TMCC3: variants seen among roughly 807,000 people sequenced by gnomAD.
TMCC3 encodes the protein transmembrane and coiled-coil domain family 3.
In TMCC3, 28 loss-of-function variants were observed where a neutral mutation model predicts 40.2. The observed-to-expected ratio is 0.70, with a 90% CI of 0.52 to 0.95. The LOEUF (loss-of-function observed/expected upper bound fraction) is 0.95. Ranked by LOEUF, TMCC3 falls within the 40% of genes least tolerant of loss-of-function variation. The probability of loss-of-function intolerance (pLI) is 0.00; values close to 1 mark genes in which losing one functional copy is unlikely to be tolerated. For synonymous variants in TMCC3, 255 were observed against 248.5 expected (o/e 1.03, Z -0.25); for missense variants, 554 against 615.2 (o/e 0.90, Z 1.05).
intron 1 of TMCC3, among the ~76,000 whole-genome samples, chr12:94,637,748 G>T (rs1024469625): frequency 4.6e-5 from 7 of 152,190 alleles, no homozygotes; most frequent in African/African-American, 1.4e-4. Context: ...ATAAATGATG[G>T]TATAGCCATA....
intron 1 of TMCC3, among the ~76,000 whole-genome samples, chr12:94,589,121 C>G (rs1230222620): frequency 7.6e-6 from 1 of 131,926 alleles, no homozygotes; most frequent in Non-Finnish European, 1.6e-5. Flanking sequence ...CCACGCCTGG[C>G]CAGTATGAGG....
At chr12:94,636,845 A>C (rs2068963559) in intron 1 of TMCC3, among the ~76,000 whole-genome samples, 1 of 152,232 alleles carries the variant, frequency 6.6e-6, no homozygotes. Context: ...ATATCCAGTG[A>C]GCTTGGGAAA....
chr12:94,650,386 C>T lies in TMCC3; in HGVS notation c.45G>A (p.Ser15=), dbSNP rs1284273153. 1.3e-5 allele frequency: 17 copies of T among 1,339,930 alleles called. No individual in the cohort carries two copies. Among genetic ancestry groups the T allele is most frequent in the Non-Finnish European group, 1.3e-5 (14 of 1,038,642 alleles). The allele number at this position is 1,339,930 out of a possible 1,614,324, so 83.0% of individuals were successfully genotyped here. A position where few individuals can be genotyped will look rare whatever the true frequency, so the allele number is the denominator to read the frequency against. ...DTALTVDRTY[S]YPGRHHRCKS... ...TGCAGCGGTGGTGCCGGCCGGGGTACGAGTAGGTCCGGTCCACGGTGAGCG... is the reference window on the plus strand; with the variant it reads ...TGCAGCGGTGGTGCCGGCCGGGGTATGAGTAGGTCCGGTCCACGGTGAGCG... Residue 15 remains serine, a synonymous_variant, in exon 1 of 4, where the codon TCG becomes TCA. Coordinates refer to ENST00000261226, the MANE Select transcript of TMCC3 (RefSeq NM_020698.4).
At chr12:94,574,395 A>C (rs565540639) in intron 3 of TMCC3, among the ~76,000 whole-genome samples, 3 of 151,700 alleles carry the variant, frequency 2.0e-5, no homozygotes, top group East Asian at 3.9e-4. Flanking sequence ...CAAAAAACAA[A>C]AAAAAAAAAC....
intron 1 of TMCC3, among the ~76,000 whole-genome samples, chr12:94,644,219 C>A (rs925922653): frequency 6.6e-6 from 1 of 152,174 alleles, no homozygotes; most frequent in Non-Finnish European, 1.5e-5. Context: ...AATGAAAAGT[C>A]CTCATTCTGA....
In TMCC3 at chr12:94,571,620, C is replaced by G; in HGVS notation, c.1249G>C (p.Val417Leu). The change falls in exon 4 of 4, where the codon GTG becomes CTG. Residue 417 changes from valine (V) to leucine (L), a missense_variant. Coordinates refer to ENST00000261226, the MANE Select transcript of TMCC3 (RefSeq NM_020698.4). ...ATGACAGTCATGAAGGCCAGGATCA[C>G]GTTGATGCACCTCCCCAGGAGAACT... ...AKVLLGRCIN[V>L]ILAFMTVILV... 1 of 1,614,222 alleles carries G rather than the reference C, an allele frequency of 6.2e-7. No homozygotes were observed. Among genetic ancestry groups the G allele is most frequent in the Non-Finnish European group, 8.5e-7 (1 of 1,180,048 alleles).
At chr12:94,637,520 G>A (rs1402396835) in intron 1 of TMCC3, among the ~76,000 whole-genome samples, 2 of 152,238 alleles carry the variant, frequency 1.3e-5, no homozygotes, top group African/African-American at 4.8e-5. Flanking sequence ...AAGTTTACCA[G>A]TGTTGTTCAG....
Position 94,602,641 on chromosome 12 carries a change from G to C in TMCC3, c.79-20103C>G, listed in dbSNP as rs540981680. ...TTCTTCTTTCTTTTAATTTCTTTTA[G>C]AGACAAGGTCTTGCTCTGTTGCCCA... On this transcript the variant is annotated intron_variant, in intron 1 of 3. Transcript: ENST00000261226. 1.7e-4 allele frequency among the ~76,000 whole-genome samples: 26 copies of C among 152,196 alleles called. No homozygotes were observed. In the South Asian group the frequency reaches 4.6e-3, roughly 27 times the overall value.
At chr12:94,600,959 C>T (rs551086834) in intron 1 of TMCC3, among the ~76,000 whole-genome samples, 2 of 152,220 alleles carry the variant, frequency 1.3e-5, no homozygotes, top group Admixed American at 1.3e-4. Flanking sequence ...TGTCATAACC[C>T]AGTATATTAC....
intron 1 of TMCC3, among the ~76,000 whole-genome samples, chr12:94,622,820 T>TAAA (rs35944737): frequency 6.9e-6 from 1 of 144,444 alleles, no homozygotes. Context: ...AGCTCTTTCT[T>TAAA]AAAAAAAAAA....
Position 94,580,351 on chromosome 12 carries a change from T to C in TMCC3, c.995+1271A>G, listed in dbSNP as rs112712201. On this transcript the variant is annotated intron_variant, in intron 2 of 3. Transcript: ENST00000261226. ...CCTAATATAAGCCAAAGGTTTTGAA[T>C]GTATACTTTAATCTTAAGATGACTT... 4.8e-3 allele frequency among the ~76,000 whole-genome samples: 727 copies of C among 152,346 alleles called. 3 individuals carry two copies. The highest frequency in any genetic ancestry group is 0.016 in the African/African-American group (683 of 41,584).
intron 1 of TMCC3, among the ~76,000 whole-genome samples, chr12:94,643,548 T>C (rs549375456): frequency 7.9e-5 from 12 of 152,334 alleles, no homozygotes; most frequent in Admixed American, 7.2e-4. Flanking sequence ...TGAGCTTATT[T>C]GACAGCCTTT....
intron 1 of TMCC3, among the ~76,000 whole-genome samples, chr12:94,642,873 GGTA>G (rs1216115348): frequency 1.3e-5 from 2 of 152,128 alleles, no homozygotes; most frequent in Non-Finnish European, 2.9e-5. Flanking sequence ...ACCTAACTTT[GGTA>G]CCATGCGGCA....
chr12:94,632,449 C>T (rs79652370), intron 1 of TMCC3, among the ~76,000 whole-genome samples: 9,337 of 152,278 alleles, frequency 0.061, 312 homozygotes, highest in South Asian at 0.15. Flanking sequence ...ACACAAACTA[C>T]ATACAAATAC....
intron 1 of TMCC3, among the ~76,000 whole-genome samples, chr12:94,623,028 TTTC>T (rs969242375): frequency 2.0e-5 from 3 of 152,146 alleles, no homozygotes; most frequent in African/African-American, 4.8e-5. Flanking sequence ...ATATCTTACT[TTTC>T]TTCTTCTTCT....
chr12:94,594,679 G>A (rs1056351758), intron 1 of TMCC3, among the ~76,000 whole-genome samples: 1 of 152,140 alleles, frequency 6.6e-6, no homozygotes, highest in Non-Finnish European at 1.5e-5. Flanking sequence ...ACGAGTCTCT[G>A]AGGCCCTTAG....
At chr12:94,646,810 T>C (rs1175586292) in intron 1 of TMCC3, among the ~76,000 whole-genome samples, 1 of 151,182 alleles carries the variant, frequency 6.6e-6, no homozygotes, top group Non-Finnish European at 1.5e-5. Context: ...GAGTGGAGTA[T>C]TACCTCTTTT....
At chr12:94,593,475 G>T (rs74238550) in intron 1 of TMCC3, among the ~76,000 whole-genome samples, 16,491 of 135,782 alleles carry the variant, frequency 0.12, 3,161 homozygotes, top group African/African-American at 0.28. Context: ...AGAAGAAGAA[G>T]AATTCTATTT....
intron 1 of TMCC3, among the ~76,000 whole-genome samples, chr12:94,582,979 TTTTTTTTTTTTTTTTA>T (rs1194875944): frequency 4.2e-5 from 3 of 72,174 alleles, no homozygotes; most frequent in African/African-American, 3.6e-4. Flanking sequence ...TTTTTTTTTT[TTTTTTTTTTTTTTTTA>T]AAAAAGAAAG....
Sources: gnomAD v4.1 joint callset for allele counts (sites outside exome capture counted in the v4.1 genomes callset) on GRCh38, gnomAD v4.1.1 for gene constraint, MANE v1.5 for transcripts, NCBI Gene and HGNC (gene_info 2026-07-23, HGNC 2026-07-21) for gene names.